The following PRKCH variants were observed in gnomAD, a reference collection of about 807,000 sequenced individuals.
PRKCH encodes the protein protein kinase C eta.
Under a neutral mutation model 82.5 loss-of-function variants are expected in PRKCH, and 28 were observed. The observed-to-expected ratio is 0.34, with a 90% CI of 0.25 to 0.47. The LOEUF is 0.47. Among genes scored for constraint, PRKCH ranks in the 20% least tolerant of loss-of-function variants. The probability of loss-of-function intolerance (pLI) is 1.00; values close to 1 mark genes in which losing one functional copy is unlikely to be tolerated. For synonymous variants in PRKCH, 322 were observed against 327.4 expected (o/e 0.98, Z 0.18); for missense variants, 705 against 881.8 (o/e 0.80, Z 2.54).
chr14:61,513,693 A>C (rs2042780453), intron 10 of PRKCH, among the ~76,000 whole-genome samples: 1 of 152,122 alleles, frequency 6.6e-6, no homozygotes, highest in East Asian at 1.9e-4. Flanking sequence ...GATTCAGCGG[A>C]CTTATATTGT....
At chr14:61,196,365 C>T (rs189218758) in intron 1 of PRKCH, among the ~76,000 whole-genome samples, 4 of 152,282 alleles carry the variant, frequency 2.6e-5, no homozygotes, top group African/African-American at 7.2e-5. Flanking sequence ...GCCCAGTTTC[C>T]GCCTTTGGAT....
At chr14:61,348,190 G>A in intron 1 of PRKCH, 1 of 152,400 alleles carries the variant, frequency 6.6e-6, no homozygotes, top group Non-Finnish European at 1.5e-5. Flanking sequence ...GGAGGGTGTT[G>A]CTCCCTGTGG....
intron 1 of PRKCH, among the ~76,000 whole-genome samples, chr14:61,194,655 A>G (rs1025562405): frequency 1.3e-5 from 2 of 152,094 alleles, no homozygotes; most frequent in African/African-American, 4.8e-5. Flanking sequence ...CATTTACCCT[A>G]TTTTGGCTAT....
chr14:61,246,413 A>AAC (rs1396125948), intron 1 of PRKCH, among the ~76,000 whole-genome samples: 3 of 151,006 alleles, frequency 2.0e-5, no homozygotes, highest in African/African-American at 7.3e-5. Context: ...GTCTCAAAGA[A>AAC]AAAAAAAAAA....
At chr14:61,224,707 C>T (rs1594860462) in intron 1 of PRKCH, among the ~76,000 whole-genome samples, 1 of 152,172 alleles carries the variant, frequency 6.6e-6, no homozygotes, top group African/African-American at 2.4e-5. Context: ...GACTTATTAT[C>T]CTTGTTGTGA....
At chr14:61,265,361 G>A (rs910019371) in intron 1 of PRKCH, among the ~76,000 whole-genome samples, 11 of 152,138 alleles carry the variant, frequency 7.2e-5, no homozygotes, top group African/African-American at 2.4e-4. Flanking sequence ...AGCAGCTGTA[G>A]TCCCAGTTAC....
intron 1 of PRKCH, among the ~76,000 whole-genome samples, chr14:61,212,220 G>C (rs568961415): frequency 6.6e-6 from 1 of 152,244 alleles, no homozygotes; most frequent in South Asian, 2.1e-4. Flanking sequence ...ATAAATAGAT[G>C]TCATTAACTT....
chr14:61,464,614 A>G (rs1037668406), intron 9 of PRKCH, among the ~76,000 whole-genome samples: 9 of 152,106 alleles, frequency 5.9e-5, no homozygotes, highest in Non-Finnish European at 1.3e-4. Flanking sequence ...TCATTGTTCA[A>G]CTTATGAGTG....
intron 1 of PRKCH, chr14:61,347,837 C>T (rs1464455184): frequency 6.6e-6 from 1 of 152,546 alleles, no homozygotes; most frequent in Non-Finnish European, 1.5e-5. Flanking sequence ...GATGCAACCA[C>T]CTTTGCCAAA....
intron 10 of PRKCH, among the ~76,000 whole-genome samples, chr14:61,485,943 T>G (rs555166311): frequency 2.6e-5 from 4 of 152,282 alleles, no homozygotes; most frequent in South Asian, 4.1e-4. Flanking sequence ...TATTTTTTAT[T>G]TTTTGTAGAG....
Position 61,326,569 on chromosome 14 carries a change from C to T in PRKCH, c.363+4105C>T, listed in dbSNP as rs188675978. 9.9e-5 allele frequency among the ~76,000 whole-genome samples: 15 copies of T among 152,246 alleles called. No individual in the cohort carries two copies. In the East Asian group the frequency reaches 2.5e-3, roughly 25 times the overall value. On this transcript the variant is annotated intron_variant, in intron 1 of 13. Transcript: ENST00000332981. Reference sequence around the variant, plus strand: ...TTAAATAGTTCACTTTAAGTATGTGCATGTTACTATATGACAATTATACCT... The same window carrying T: ...TTAAATAGTTCACTTTAAGTATGTGTATGTTACTATATGACAATTATACCT...
At chr14:61,365,921 G>A (rs1329347826) in intron 1 of PRKCH, among the ~76,000 whole-genome samples, 2 of 152,032 alleles carry the variant, frequency 1.3e-5, no homozygotes, top group Non-Finnish European at 2.9e-5. Flanking sequence ...GATTATTTTA[G>A]GCTGTGACAG....
At chr14:61,453,163 G>A in intron 6 of PRKCH, 63 bp from the exon 7 acceptor site, 2 of 1,596,296 alleles carry the variant, frequency 1.3e-6, no homozygotes, top group Non-Finnish European at 1.7e-6. Context: ...AAAGTTCTCT[G>A]TTGCAGCACA....
intron 10 of PRKCH, among the ~76,000 whole-genome samples, chr14:61,498,327 A>G (rs1886755054): frequency 1.3e-5 from 2 of 152,160 alleles, no homozygotes; most frequent in Admixed American, 1.3e-4. Flanking sequence ...ATGCTATTTT[A>G]GAAGTGATCT....
At chr14:61,482,185 C>T (rs576226760) in intron 9 of PRKCH, among the ~76,000 whole-genome samples, 13 of 151,698 alleles carry the variant, frequency 8.6e-5, no homozygotes, top group Non-Finnish European at 1.5e-4. Context: ...TTAGTAGAGA[C>T]GGGGTTTCAC....
chr14:61,246,323 A>C (rs2044882491), intron 1 of PRKCH, among the ~76,000 whole-genome samples: 1 of 150,390 alleles, frequency 6.6e-6, no homozygotes, highest in Non-Finnish European at 1.5e-5. Context: ...CAGGAGAATC[A>C]CTTGAACCTG....
In PRKCH at chr14:61,322,073, C is replaced by T. The variant is rs1006595877; in HGVS notation, c.-29C>T. On this transcript the variant is annotated 5_prime_UTR_variant, in exon 1 of 14. Coordinates refer to ENST00000332981, the MANE Select transcript of PRKCH (RefSeq NM_006255.5). ...GTTCTCCCGCTGCGAAGCAGCGCGG[C>T]CCCCCGGGGCCGGGGCAGCGGCGCC... 1.3e-6 allele frequency: 2 copies of T among 1,509,332 alleles called. No individual in the cohort carries two copies. The highest frequency in any genetic ancestry group is 2.8e-5 in the African/African-American group (2 of 71,604). 93.5% of individuals were successfully genotyped at this position (1,509,332 alleles called of 1,614,324 possible).
intron 1 of PRKCH, among the ~76,000 whole-genome samples, chr14:61,383,515 G>A (rs765988124): frequency 2.1e-4 from 32 of 152,032 alleles, no homozygotes; most frequent in Admixed American, 8.5e-4. Context: ...TGAGACCGGA[G>A]GGATCAATGT....
intron 12 of PRKCH, among the ~76,000 whole-genome samples, chr14:61,542,681 G>C (rs143881615): frequency 4.0e-4 from 61 of 152,334 alleles, no homozygotes; most frequent in Non-Finnish European, 6.9e-4. Context: ...TGACCTCAGA[G>C]TGTAGTCTCT....
Sources: gnomAD v4.1 joint callset for allele counts (sites outside exome capture counted in the v4.1 genomes callset) on GRCh38, gnomAD v4.1.1 for gene constraint, MANE v1.5 for transcripts, NCBI Gene and HGNC (gene_info 2026-07-23, HGNC 2026-07-21) for gene names.